FBXL17: variants seen among roughly 807,000 people sequenced by gnomAD.
FBXL17 encodes F-box and leucine rich repeat protein 17, also known as F-box/LRR-repeat protein 17.
FBXL17 carries 22 observed loss-of-function variants against 66.2 expected under a neutral mutation model. That is an observed-to-expected ratio of 0.33 (90% confidence interval 0.24 to 0.47). The LOEUF is 0.47. Among genes scored for constraint, FBXL17 ranks in the 20% least tolerant of loss-of-function variants. The pLI is 1.00. For missense variants in FBXL17, 878 were observed against 948.2 expected (o/e 0.93, Z 0.97); for synonymous variants, 474 against 400.5 (o/e 1.18, Z -2.19).
At chr5:108,082,592 C>G (rs867969565) in intron 6 of FBXL17, among the ~76,000 whole-genome samples, 3 of 151,364 alleles carry the variant, frequency 2.0e-5, no homozygotes, top group Middle Eastern at 3.4e-3. Flanking sequence ...TTCAACTTTT[C>G]TTTTTTCCAG....
chr5:108,152,994 C>A (rs1218127608), intron 6 of FBXL17, among the ~76,000 whole-genome samples: 2 of 152,076 alleles, frequency 1.3e-5, no homozygotes, highest in Non-Finnish European at 2.9e-5. Flanking sequence ...GTTCTCATGA[C>A]AGTGAGTAAG....
At chr5:108,378,785 C>T (rs1413662156) in intron 1 of FBXL17, among the ~76,000 whole-genome samples, 1 of 152,218 alleles carries the variant, frequency 6.6e-6, no homozygotes, top group East Asian at 1.9e-4. Context: ...AGACACTGCA[C>T]TTAAAGGAGG....
chr5:108,311,473 T>C (rs960064592), intron 4 of FBXL17, among the ~76,000 whole-genome samples: 2 of 152,042 alleles, frequency 1.3e-5, no homozygotes, highest in Non-Finnish European at 2.9e-5. Context: ...CACCCGGCCT[T>C]CTTACATACT....
chr5:107,900,019 T>C (rs1203270902), intron 7 of FBXL17, among the ~76,000 whole-genome samples: 5 of 152,178 alleles, frequency 3.3e-5, no homozygotes, highest in Non-Finnish European at 4.4e-5. Context: ...AATTTGAATC[T>C]TTCCTTTATA....
At chr5:107,964,951 A>AT (rs1752062843) in intron 7 of FBXL17, among the ~76,000 whole-genome samples, 1 of 152,016 alleles carries the variant, frequency 6.6e-6, no homozygotes, top group Non-Finnish European at 1.5e-5. Context: ...TGAGGTTTTG[A>AT]TTTTTTTCTC....
At chr5:108,156,074 C>T (rs1194523094) in intron 6 of FBXL17, among the ~76,000 whole-genome samples, 2 of 152,190 alleles carry the variant, frequency 1.3e-5, no homozygotes, top group East Asian at 3.9e-4. Flanking sequence ...CAGTCTTATC[C>T]ACCATAAACT....
chr5:108,028,828 G>T (rs1347690511), intron 6 of FBXL17, among the ~76,000 whole-genome samples: 1 of 152,036 alleles, frequency 6.6e-6, no homozygotes, highest in Non-Finnish European at 1.5e-5. Context: ...TAAAGGAATG[G>T]TTTCTCACTT....
intron 6 of FBXL17, among the ~76,000 whole-genome samples, chr5:108,152,891 A>G (rs1429912406): frequency 1.3e-5 from 2 of 151,876 alleles, no homozygotes; most frequent in Non-Finnish European, 2.9e-5. Context: ...GTCACCACCC[A>G]AATCTAGAAT....
At chr5:108,303,347 AAC>A (rs1316625738) in intron 4 of FBXL17, among the ~76,000 whole-genome samples, 2 of 141,798 alleles carry the variant, frequency 1.4e-5, no homozygotes, top group Admixed American at 1.5e-4. Flanking sequence ...CTTCCTCCAA[AAC>A]ACACAGGCAT....
intron 7 of FBXL17, among the ~76,000 whole-genome samples, chr5:107,898,625 T>C (rs986861772): frequency 1.3e-5 from 2 of 152,136 alleles, no homozygotes; most frequent in Non-Finnish European, 2.9e-5. Context: ...TACCCTAGCC[T>C]CCACCTCGCA....
intron 4 of FBXL17, among the ~76,000 whole-genome samples, chr5:108,262,913 A>C (rs924930941): frequency 6.6e-6 from 1 of 152,244 alleles, no homozygotes; most frequent in Non-Finnish European, 1.5e-5. Flanking sequence ...TAAATTATAC[A>C]GTGAAGGGAA....
chr5:108,181,663 T>C (rs927440720), intron 6 of FBXL17, among the ~76,000 whole-genome samples: 3 of 152,302 alleles, frequency 2.0e-5, no homozygotes, highest in East Asian at 3.9e-4. Context: ...TTTATCTTAA[T>C]GTGAGAAATC....
At chr5:108,089,650 G>T (rs158189) in intron 6 of FBXL17, among the ~76,000 whole-genome samples, 109,806 of 152,030 alleles carry the variant, frequency 0.72, 40,036 homozygotes, top group East Asian at 0.93. Context: ...CCCCATAGAC[G>T]GTAAGTTCCT....
At chr5:108,106,615 T>C (rs540311247) in intron 6 of FBXL17, among the ~76,000 whole-genome samples, 9 of 152,288 alleles carry the variant, frequency 5.9e-5, no homozygotes, top group South Asian at 2.1e-4. Flanking sequence ...ACTGAAAACA[T>C]TGTATTACAT....
At chr5:108,292,407 C>G (rs543222524) in intron 4 of FBXL17, among the ~76,000 whole-genome samples, 4 of 152,246 alleles carry the variant, frequency 2.6e-5, no homozygotes, top group Admixed American at 1.3e-4. Context: ...AGGCATGAGC[C>G]ACCATGCCTG....
chr5:108,291,370 G>A (rs528613126), intron 4 of FBXL17, among the ~76,000 whole-genome samples: 110 of 152,274 alleles, frequency 7.2e-4, no homozygotes, highest in African/African-American at 2.5e-3. Context: ...GTCATCACGT[G>A]CTCTGCTTTT....
intron 4 of FBXL17, among the ~76,000 whole-genome samples, chr5:108,266,113 T>C (rs553381467): frequency 6.6e-6 from 1 of 152,238 alleles, no homozygotes; most frequent in East Asian, 1.9e-4. Flanking sequence ...GATTTTTTTT[T>C]CAAGTTTTAA....
chr5:108,182,496 A>T (rs1753044288), intron 6 of FBXL17, among the ~76,000 whole-genome samples: 1 of 152,174 alleles, frequency 6.6e-6, no homozygotes, highest in African/African-American at 2.4e-5. Context: ...AGTATACAGG[A>T]TAAGTGCAAG....
chr5:108,227,062 G>C (rs111638963), intron 4 of FBXL17, among the ~76,000 whole-genome samples: 14 of 152,268 alleles, frequency 9.2e-5, no homozygotes, highest in African/African-American at 3.1e-4. Context: ...AAGATATACA[G>C]ACAGACGTAC....
Sources: gnomAD v4.1 joint callset for allele counts (sites outside exome capture counted in the v4.1 genomes callset) on GRCh38, gnomAD v4.1.1 for gene constraint, MANE v1.5 for transcripts, NCBI Gene and HGNC (gene_info 2026-07-23, HGNC 2026-07-21) for gene names.